Variants in SORCS1 observed in about 807,000 individuals in gnomAD.
The protein encoded by SORCS1 is VPS10 domain-containing receptor SorCS1.
SORCS1 carries 60 observed loss-of-function variants against 146.1 expected under a neutral mutation model. The ratio of observed to expected loss-of-function variants is 0.41; its 90% CI spans 0.33 to 0.51. SORCS1 has a LOEUF of 0.51. Among genes scored for constraint, SORCS1 ranks in the 20% least tolerant of loss-of-function variants. The pLI, the probability that SORCS1 is intolerant of heterozygous loss-of-function variation, is 0.21. For synonymous variants in SORCS1, 637 were observed against 584.0 expected (o/e 1.09, Z -1.31); for missense variants, 1,352 against 1,487.6 (o/e 0.91, Z 1.50).
intron 6 of SORCS1, among the ~76,000 whole-genome samples, chr10:106,719,707 G>A (rs752938492): frequency 7.9e-5 from 12 of 152,060 alleles, no homozygotes; most frequent in East Asian, 1.9e-4. Flanking sequence ...CACTGCGCCC[G>A]GCCTCAATGA....
chr10:106,604,540 A>C (rs11192974), intron 23 of SORCS1, among the ~76,000 whole-genome samples: 8,856 of 152,204 alleles, frequency 0.058, 648 homozygotes, highest in East Asian at 0.32. Flanking sequence ...GAATAGGCTG[A>C]TACACTGGCA....
chr10:107,088,827 T>C (rs966759770), intron 1 of SORCS1, among the ~76,000 whole-genome samples: 3 of 152,214 alleles, frequency 2.0e-5, no homozygotes, highest in Non-Finnish European at 4.4e-5. Flanking sequence ...TTTGTCATGG[T>C]TCCTCCATTT....
intron 5 of SORCS1, among the ~76,000 whole-genome samples, chr10:106,751,057 T>TAAAAAAAAA (rs1858176234): frequency 1.7e-4 from 1 of 5,988 alleles, no homozygotes; most frequent in Non-Finnish European, 3.0e-4. Context: ...AGACTCCGTC[T>TAAAAAAAAA]CAAAAAAAAA....
At chr10:107,027,966 G>A (rs1645971317) in intron 1 of SORCS1, among the ~76,000 whole-genome samples, 1 of 152,182 alleles carries the variant, frequency 6.6e-6, no homozygotes, top group Non-Finnish European at 1.5e-5. Context: ...CTCAAAATAT[G>A]TATGGTGAAT....
At chr10:106,729,087 G>GAAAC (rs1326321677) in intron 6 of SORCS1, among the ~76,000 whole-genome samples, 1 of 152,164 alleles carries the variant, frequency 6.6e-6, no homozygotes, top group Non-Finnish European at 1.5e-5. Flanking sequence ...GAAGGGGAAG[G>GAAAC]AAACATTCAT....
At chr10:106,773,946 C>G (rs921844440) in intron 4 of SORCS1, among the ~76,000 whole-genome samples, 17 of 150,286 alleles carry the variant, frequency 1.1e-4, no homozygotes, top group Admixed American at 7.3e-4. Context: ...AAGACTCCAT[C>G]TCAAAAAAAA....
intron 1 of SORCS1, among the ~76,000 whole-genome samples, chr10:107,021,916 A>T (rs1283715823): frequency 6.6e-6 from 1 of 152,196 alleles, no homozygotes. Context: ...ATTTTTAAAT[A>T]AGATGTAGTG....
intron 1 of SORCS1, among the ~76,000 whole-genome samples, chr10:107,032,820 C>T (rs544761281): frequency 2.6e-5 from 4 of 152,248 alleles, no homozygotes; most frequent in East Asian, 1.9e-4. Flanking sequence ...CTTCACTCTG[C>T]GCACTTAAAC....
chr10:106,645,962 A>T (rs1012865115), intron 18 of SORCS1, among the ~76,000 whole-genome samples: 13 of 152,142 alleles, frequency 8.5e-5, no homozygotes, highest in Non-Finnish European at 1.9e-4. Flanking sequence ...ATGTAGTCCT[A>T]TTTAAAATTA....
rs1852303275 is a variant in SORCS1, at chr10:106,679,828, C to T, written c.1561-94G>A. On this transcript the variant is annotated intron_variant, in intron 10 of 25. Transcript: ENST00000263054. ...ATCATCCATCCATCTAACCAACCATCCCATTTACCATACATCCATGCACCA... is the reference window on the plus strand; with the variant it reads ...ATCATCCATCCATCTAACCAACCATTCCATTTACCATACATCCATGCACCA... 9.4e-6 allele frequency: 9 copies of T among 962,394 alleles called. 1 individual carries two copies. The highest frequency in any genetic ancestry group is 8.1e-5 in the East Asian group (3 of 37,182). The allele number at this position is 962,394 out of a possible 1,614,324, so 59.6% of individuals were successfully genotyped here.
At chr10:106,643,217 T>C (rs1363527202) in intron 18 of SORCS1, among the ~76,000 whole-genome samples, 1 of 152,184 alleles carries the variant, frequency 6.6e-6, no homozygotes, top group Non-Finnish European at 1.5e-5. Context: ...TAACACCTAT[T>C]TGCATAGAGT....
intron 2 of SORCS1, among the ~76,000 whole-genome samples, chr10:106,936,403 G>C (rs952566792): frequency 6.6e-6 from 1 of 152,178 alleles, no homozygotes; most frequent in Admixed American, 6.5e-5. Flanking sequence ...GATTTGGTTA[G>C]ACAATCTCAG....
In SORCS1 at chr10:106,657,274, A is replaced by T. The variant is rs191966017; in HGVS notation, c.2304-4721T>A. ...ATACACCATGGAATACTACTCAGTC[A>T]TAAAAAAAGAATGAAATAATGTCTT... On this transcript the variant is annotated intron_variant, in intron 17 of 25. Transcript: ENST00000263054. 5.4e-3 allele frequency among the ~76,000 whole-genome samples: 828 copies of T among 152,340 alleles called. 10 individuals are homozygous for T. Among genetic ancestry groups the T allele is most frequent in the Non-Finnish European group, 8.8e-3 (597 of 68,038 alleles).
chr10:106,717,509 C>T (rs1425624611), intron 6 of SORCS1, among the ~76,000 whole-genome samples: 1 of 152,170 alleles, frequency 6.6e-6, no homozygotes, highest in Non-Finnish European at 1.5e-5. Flanking sequence ...TTTAGCATTG[C>T]TTTCTTCTGT....
At chr10:106,778,997 AC>A (rs1231387728) in intron 3 of SORCS1, among the ~76,000 whole-genome samples, 1 of 152,232 alleles carries the variant, frequency 6.6e-6, no homozygotes, top group Non-Finnish European at 1.5e-5. Flanking sequence ...ACGTGATCAG[AC>A]TGCATAAGAC....
intron 3 of SORCS1, among the ~76,000 whole-genome samples, chr10:106,792,244 T>C (rs1231548470): frequency 2.0e-5 from 3 of 152,254 alleles, no homozygotes; most frequent in Non-Finnish European, 4.4e-5. Context: ...ATTTCAGTAA[T>C]TGCGTTCCCG....
intron 1 of SORCS1, among the ~76,000 whole-genome samples, chr10:107,049,109 C>A (rs931084433): frequency 4.0e-5 from 6 of 151,366 alleles, no homozygotes; most frequent in Non-Finnish European, 8.8e-5. Context: ...AGTTCATGTC[C>A]TTTGTAGGGA....
At chr10:106,961,138 T>C (rs1298487985) in intron 1 of SORCS1, among the ~76,000 whole-genome samples, 1 of 152,152 alleles carries the variant, frequency 6.6e-6, no homozygotes, top group African/African-American at 2.4e-5. Flanking sequence ...TGTTCCACTG[T>C]AAATTACCAA....
At chr10:106,710,572 TC>T (rs1854908766) in intron 6 of SORCS1, among the ~76,000 whole-genome samples, 1 of 152,166 alleles carries the variant, frequency 6.6e-6, no homozygotes, top group African/African-American at 2.4e-5. Flanking sequence ...AACTCTTACG[TC>T]AGTTTGGTCG....
Sources: gnomAD v4.1 joint callset for allele counts (sites outside exome capture counted in the v4.1 genomes callset) on GRCh38, gnomAD v4.1.1 for gene constraint, MANE v1.5 for transcripts, NCBI Gene and HGNC (gene_info 2026-07-23, HGNC 2026-07-21) for gene names.